Variants in ADAMTSL1 observed in about 807,000 individuals in gnomAD.
The protein encoded by ADAMTSL1 is ADAMTS like 1, also known as ADAMTS-like protein 1.
ADAMTSL1 carries 126 observed loss-of-function variants against 201.8 expected under a neutral mutation model. The ratio of observed to expected loss-of-function variants is 0.62; its 90% confidence interval spans 0.54 to 0.72. The LOEUF is 0.72. Among genes scored for constraint, ADAMTSL1 ranks in the 30% least tolerant of loss-of-function variants. ADAMTSL1 has a pLI of 0.00. For synonymous variants in ADAMTSL1, 1,121 were observed against 903.4 expected (o/e 1.24, Z -4.32); for missense variants, 2,679 against 2,277.8 (o/e 1.18, Z -3.59).
Position 18,776,965 on chromosome 9 carries a change from G to A in ADAMTSL1, c.2736G>A (p.Glu912=), listed in dbSNP as rs1447894603. The A allele has an allele frequency of 8.1e-6, 13 of 1,598,108 alleles. No individual in the cohort carries two copies. Among genetic ancestry groups the A allele is most frequent in the Non-Finnish European group, 1.0e-5 (12 of 1,170,840 alleles). ...RRVRKPLITW[E]KDGQHLISST... ...TCCGCAAGCCCCTCATCACCTGGGA[G>A]AAGGACGGCCAGCACCTCATCAGCT... Residue 912 remains glutamate, a synonymous_variant, in exon 19 of 29, where the codon GAG becomes GAA. Transcript: ENST00000380548.
At chr9:18,110,444 G>C (rs983266816) in intron 1 of ADAMTSL1, among the ~76,000 whole-genome samples, 4 of 152,148 alleles carry the variant, frequency 2.6e-5, no homozygotes, top group African/African-American at 9.7e-5. Flanking sequence ...ACTGAAATTA[G>C]CATTCTCATT....
chr9:18,265,283 T>C (rs1000441840), intron 2 of ADAMTSL1, among the ~76,000 whole-genome samples: 1 of 151,648 alleles, frequency 6.6e-6, no homozygotes, highest in African/African-American at 2.4e-5. Context: ...GAGCTCTGCA[T>C]GTATTGCTTC....
At chr9:18,343,058 A>C (rs1402918325) in intron 2 of ADAMTSL1, among the ~76,000 whole-genome samples, 1 of 151,546 alleles carries the variant, frequency 6.6e-6, no homozygotes, top group Non-Finnish European at 1.5e-5. Flanking sequence ...AAGGTTAGTA[A>C]CTCACACCTG....
intron 16 of ADAMTSL1, among the ~76,000 whole-genome samples, chr9:18,769,425 G>A (rs534149546): frequency 6.6e-4 from 100 of 152,320 alleles, no homozygotes; most frequent in African/African-American, 2.3e-3. Context: ...CCACCACAGA[G>A]TAGTCGTGGG....
chr9:18,752,632 C>G (rs76334434), intron 15 of ADAMTSL1, among the ~76,000 whole-genome samples: 1 of 152,158 alleles, frequency 6.6e-6, no homozygotes, highest in Admixed American at 6.5e-5. Flanking sequence ...ATGGCCAGTT[C>G]GTGCACTCAA....
At chr9:17,978,509 A>G (rs922476318) in intron 1 of ADAMTSL1, among the ~76,000 whole-genome samples, 1 of 152,004 alleles carries the variant, frequency 6.6e-6, no homozygotes. Context: ...AACATCTTAC[A>G]GTTGTAACAC....
At chr9:18,010,770 A>G (rs1211287188) in intron 1 of ADAMTSL1, among the ~76,000 whole-genome samples, 2 of 151,922 alleles carry the variant, frequency 1.3e-5, no homozygotes, top group Non-Finnish European at 2.9e-5. Context: ...ATTCTGCGCA[A>G]TTACCAAACC....
chr9:18,663,635 C>T (rs1239261326), intron 9 of ADAMTSL1, among the ~76,000 whole-genome samples: 1 of 152,092 alleles, frequency 6.6e-6, no homozygotes, highest in Non-Finnish European at 1.5e-5. Context: ...AAGTCTTTTA[C>T]ACATTTCCAT....
chr9:18,776,239 T>C (rs1290223164), intron 18 of ADAMTSL1, among the ~76,000 whole-genome samples: 1 of 152,166 alleles, frequency 6.6e-6, no homozygotes, highest in Non-Finnish European at 1.5e-5. Flanking sequence ...AACAGATTTG[T>C]TCTGTTTAAT....
chr9:18,886,694 G>A (rs530189862), intron 23 of ADAMTSL1, among the ~76,000 whole-genome samples: 173 of 152,210 alleles, frequency 1.1e-3, no homozygotes, highest in African/African-American at 3.8e-3. Context: ...TCTTTTATGG[G>A]GACACTAATC....
chr9:18,449,571 T>C (rs1820325709), intron 2 of ADAMTSL1, among the ~76,000 whole-genome samples: 1 of 152,224 alleles, frequency 6.6e-6, no homozygotes, highest in Admixed American at 6.5e-5. Flanking sequence ...AAAATGATAT[T>C]ATCACATCCT....
chr9:17,975,499 A>T (rs1302018922), intron 1 of ADAMTSL1, among the ~76,000 whole-genome samples: 4 of 152,000 alleles, frequency 2.6e-5, no homozygotes, highest in African/African-American at 9.7e-5. Flanking sequence ...ACCATTCGTG[A>T]GGGCTGAGCC....
At chr9:18,183,117 G>A (rs1461810310) in intron 2 of ADAMTSL1, among the ~76,000 whole-genome samples, 6 of 152,138 alleles carry the variant, frequency 3.9e-5, no homozygotes, top group Admixed American at 6.5e-5. Flanking sequence ...AGGAGCAAAC[G>A]CAACACAGTG....
intron 2 of ADAMTSL1, among the ~76,000 whole-genome samples, chr9:18,178,258 G>A (rs1428937206): frequency 6.6e-6 from 1 of 152,154 alleles, no homozygotes; most frequent in African/African-American, 2.4e-5. Context: ...TCAAAGAAAG[G>A]GGTGACAGAC....
chr9:18,418,940 C>T (rs902913078), intron 2 of ADAMTSL1, among the ~76,000 whole-genome samples: 1 of 152,186 alleles, frequency 6.6e-6, no homozygotes, highest in African/African-American at 2.4e-5. Flanking sequence ...TTAATACTTA[C>T]TATAAAGCTT....
At chr9:18,264,279 A>G (rs1832036962) in intron 2 of ADAMTSL1, among the ~76,000 whole-genome samples, 1 of 152,182 alleles carries the variant, frequency 6.6e-6, no homozygotes, top group African/African-American at 2.4e-5. Context: ...TCTATATTTT[A>G]GGACCTCACC....
chr9:18,721,023 A>G (rs1006020958), intron 14 of ADAMTSL1, among the ~76,000 whole-genome samples: 9 of 152,218 alleles, frequency 5.9e-5, no homozygotes, highest in Non-Finnish European at 1.0e-4. Context: ...AACCAGAATC[A>G]GAAGGCAAAC....
rs146963208 is a variant in ADAMTSL1, at chr9:17,956,416, C to T, written c.87+49494C>T. Among the ~76,000 whole-genome samples, 235 of 152,266 alleles carry T rather than the reference C, an allele frequency of 1.5e-3. 2 individuals carry two copies. The highest frequency in any genetic ancestry group is 5.4e-3 in the African/African-American group (223 of 41,556). On this transcript the variant is annotated intron_variant, in intron 1 of 29. Coordinates refer to the ADAMTSL1 transcript ENST00000680146. Reference sequence around the variant, plus strand: ...AGTCGGCAATATTGTTGGCAGTGTCCTCTTCTTTTGACATGTAACGATTAG... The same window carrying T: ...AGTCGGCAATATTGTTGGCAGTGTCTTCTTCTTTTGACATGTAACGATTAG...
chr9:18,908,665 C>A lies in ADAMTSL1; in HGVS notation c.*117C>A. 1 of 794,328 alleles carries A rather than the reference C, an allele frequency of 1.3e-6. No homozygotes were observed. The allele number at this position is 794,328 out of a possible 1,614,324, so 49.2% of individuals were successfully genotyped here. ...TTTATTTCCCCCTCCCCACTCCACACACACCCTTCCAACCTCCTCCACCTC... is the reference window on the plus strand; with the variant it reads ...TTTATTTCCCCCTCCCCACTCCACAAACACCCTTCCAACCTCCTCCACCTC... On this transcript the variant is annotated 3_prime_UTR_variant, in exon 29 of 29. Transcript: ENST00000380548.
Sources: gnomAD v4.1 joint callset for allele counts (sites outside exome capture counted in the v4.1 genomes callset) on GRCh38, gnomAD v4.1.1 for gene constraint, MANE v1.5 for transcripts, NCBI Gene and HGNC (gene_info 2026-07-23, HGNC 2026-07-21) for gene names.